RCC1L: variants seen among roughly 807,000 people sequenced by gnomAD.
RCC1L encodes RCC1 like.
In RCC1L, 46 loss-of-function variants were observed where a neutral mutation model predicts 58.6. The observed-to-expected ratio is 0.79, with a 90% CI of 0.62 to 1.00. The LOEUF is 1.00. Ranked by LOEUF, RCC1L falls within the 50% of genes least tolerant of loss-of-function variation. RCC1L has a pLI of 0.00. For missense variants in RCC1L, 636 were observed against 623.6 expected (o/e 1.02, Z -0.21); for synonymous variants, 281 against 262.9 (o/e 1.07, Z -0.67).
rs1045782094 is a variant in RCC1L at position 75,042,965 on chromosome 7, G to A, written c.*67C>T. 581 of 1,612,196 alleles carry A rather than the reference G, an allele frequency of 3.6e-4. 1 individual carries two copies. The highest frequency in any genetic ancestry group is 2.3e-3 in the Middle Eastern group (14 of 6,006). On this transcript the variant is annotated 3_prime_UTR_variant, in exon 11 of 11. Coordinates refer to ENST00000610322, the MANE Select transcript of RCC1L (RefSeq NM_030798.5). ...CCAAGAACCCCGGGGGGCTGGCCAC[G>A]CGCTGGCCTCTGCCAAGGAGTGCCA...
intron 1 of RCC1L, among the ~76,000 whole-genome samples, chr7:75,071,884 G>A (rs1035015092): frequency 6.6e-6 from 1 of 151,450 alleles, no homozygotes; most frequent in Non-Finnish European, 1.5e-5. Flanking sequence ...CCCTTATAGG[G>A]AATAGTACCC....
chr7:75,071,013 G>A (rs369318459), intron 1 of RCC1L, among the ~76,000 whole-genome samples: 15 of 152,104 alleles, frequency 9.9e-5, no homozygotes, highest in African/African-American at 2.2e-4. Context: ...TGCACACCAC[G>A]TCTGGCTAAC....
chr7:75,036,369 G>GC (rs34724525), intron 10 of RCC1L, among the ~76,000 whole-genome samples: 20,644 of 151,438 alleles, frequency 0.14, 1,530 homozygotes, highest in South Asian at 0.19. Context: ...TGACCTGCCC[G>GC]CTTAGCCTCC....
chr7:75,037,890 T>C (rs1394237957), downstream of RCC1L, among the ~76,000 whole-genome samples: 1 of 152,192 alleles, frequency 6.6e-6, no homozygotes, highest in Non-Finnish European at 1.5e-5. Context: ...CTATCAGGAC[T>C]CCTAACACTG....
rs1191235849 is a variant in RCC1L, at chr7:75,051,178, A to AAT, written c.1317+1531_1317+1532dup. On this transcript the variant is annotated intron_variant, in intron 10 of 10. Coordinates refer to ENST00000610322, the MANE Select transcript of RCC1L (RefSeq NM_030798.5). ...AGCCTCCACCGATAGTCTTGGAAAA[A>AAT]ATATATATATATATATATTTAATAT... Among the ~76,000 whole-genome samples, 23 of 147,094 alleles carry AAT rather than the reference A, an allele frequency of 1.6e-4. 1 individual carries two copies. Among genetic ancestry groups the AAT allele is most frequent in the South Asian group, 4.2e-4 (2 of 4,718 alleles).
intron 8 of RCC1L, chr7:75,056,764 CTTCA>C (rs1554443999): frequency 1.3e-6 from 2 of 1,509,114 alleles, no homozygotes; most frequent in Admixed American, 3.9e-5. Flanking sequence ...TTGTTAAGAA[CTTCA>C]TTCACACCCT....
At chr7:75,027,646 G>C (rs1805175245) in exon 11 of RCC1L, 1 of 271,848 alleles carries the variant, frequency 3.7e-6, no homozygotes, top group Non-Finnish European at 7.1e-6. Context: ...ATGGCTCTCC[G>C]CCCTGGCTGG....
chr7:75,072,161 CATATATATATATAT>C lies in RCC1L; in HGVS notation c.324+1239_324+1252del, dbSNP rs1165938365. Among the ~76,000 whole-genome samples, 110 of 46,372 alleles carry C rather than the reference CATATATATATATAT, an allele frequency of 2.4e-3. 6 individuals are homozygous for C. The highest frequency in any genetic ancestry group is 8.0e-3 in the East Asian group (5 of 624). The allele number at this position is 46,372 out of a possible 152,430, so 30.4% of individuals were successfully genotyped here. ...ATTTATACATATACATATACATATA[CATATATATATATAT>C]ATATATATATATATATGGAGAGAGA... On this transcript the variant is annotated intron_variant, in intron 1 of 10. Transcript: ENST00000610322.
At chr7:75,052,621 C>T in intron 10 of RCC1L, 90 bp downstream of exon 10, 1 of 1,268,688 alleles carries the variant, frequency 7.9e-7, no homozygotes, top group Non-Finnish European at 1.1e-6. Flanking sequence ...TGGCCCTCGT[C>T]CTGGCCCATC....
In RCC1L at chr7:75,030,616, T is replaced by TTCCCCAG. The variant is rs1260359434; in HGVS notation, c.1318-2544_1318-2538dup. On this transcript the variant is annotated intron_variant, in intron 10 of 10. Coordinates refer to the RCC1L transcript ENST00000614461. ...GGCTGTAGGCAGGAGGCCTCAGTCC[T>TTCCCCAG]TCCCCAGGTGGGCCAACCCACAGGG... Among the ~76,000 whole-genome samples the TTCCCCAG allele has an allele frequency of 5.3e-5, 8 of 152,296 alleles. No homozygotes were observed. The East Asian group carries it at 1.5e-3, about 29-fold the overall frequency.
At chr7:75,062,459 G>A (rs1584500585) in intron 5 of RCC1L, among the ~76,000 whole-genome samples, 2 of 152,196 alleles carry the variant, frequency 1.3e-5, no homozygotes, top group Non-Finnish European at 2.9e-5. Context: ...AGTGAGCTAT[G>A]ATCGTGCCAC....
At chr7:75,039,041 A>G (rs1416880312), downstream of RCC1L, among the ~76,000 whole-genome samples, 1 of 152,208 alleles carries the variant, frequency 6.6e-6, no homozygotes, top group Admixed American at 6.5e-5. Context: ...GGGTTTTGCC[A>G]TGTTGGCCAG....
chr7:75,031,173 G>A (rs1340599939), intron 10 of RCC1L, among the ~76,000 whole-genome samples: 5 of 152,260 alleles, frequency 3.3e-5, no homozygotes, highest in African/African-American at 1.2e-4. Context: ...ATCCTGAGAT[G>A]GGGGTGAGTG....
At chr7:75,039,814 A>G (rs1274189152), downstream of RCC1L, among the ~76,000 whole-genome samples, 1 of 152,188 alleles carries the variant, frequency 6.6e-6, no homozygotes, top group Non-Finnish European at 1.5e-5. Context: ...TGCTCACTAA[A>G]GCGAGAGGAG....
At chr7:75,064,769 C>T in intron 3 of RCC1L, 121 bp from the exon 4 acceptor site, 1 of 1,103,694 alleles carries the variant, frequency 9.1e-7, no homozygotes, top group Admixed American at 1.8e-5. Flanking sequence ...CCCCAACTGC[C>T]CCTGGGTTTC....
intron 7 of RCC1L, chr7:75,058,304 T>C: frequency 2.5e-6 from 1 of 401,576 alleles, no homozygotes; most frequent in Non-Finnish European, 4.7e-6. Flanking sequence ...TGGCACGATC[T>C]CAGCTCACTG....
intron 10 of RCC1L, among the ~76,000 whole-genome samples, chr7:75,045,522 T>C (rs1228880425): frequency 0.087 from 888 of 10,188 alleles, 7 homozygotes; most frequent in South Asian, 0.26. Context: ...GCATCTCTCT[T>C]TTTTTTTTTT....
intron 2 of RCC1L, among the ~76,000 whole-genome samples, chr7:75,069,766 T>C (rs1020709567): frequency 6.6e-6 from 1 of 151,884 alleles, no homozygotes; most frequent in South Asian, 2.1e-4. Flanking sequence ...GGTTTCACCA[T>C]GTTGGCCAGG....
chr7:75,042,056 A>G (rs1805583045), downstream of RCC1L: 1 of 565,980 alleles, frequency 1.8e-6, no homozygotes. Context: ...CTATAAAAAA[A>G]TAAAATAAAA....
Sources: allele counts gnomAD v4.1 joint callset (sites outside exome capture counted in the v4.1 genomes callset), GRCh38; gene constraint gnomAD v4.1.1; transcripts MANE v1.5; gene names NCBI Gene and HGNC (gene_info 2026-07-23, HGNC 2026-07-21).